Variants in SLC44A5 observed in about 807,000 individuals in gnomAD.
SLC44A5 encodes the protein solute carrier family 44 member 5, also known as choline transporter-like protein 5.
SLC44A5 carries 57 observed loss-of-function variants against 101.8 expected under a neutral mutation model. The ratio of observed to expected loss-of-function variants is 0.56; its 90% CI spans 0.45 to 0.70. The LOEUF (loss-of-function observed/expected upper bound fraction) is 0.70, where lower values mean the gene tolerates loss of function less well. SLC44A5 is among the 30% of genes least tolerant of loss of function. SLC44A5 has a pLI of 0.00. For missense variants in SLC44A5, 737 were observed against 853.1 expected, an observed-to-expected ratio of 0.86 and a Z score of 1.70; for synonymous variants, 281 against 290.9, an observed-to-expected ratio of 0.97 and a Z score of 0.35.
At chr1:75,557,685 T>G (rs559115906) in intron 1 of SLC44A5, among the ~76,000 whole-genome samples, 13 of 152,164 alleles carry the variant, frequency 8.5e-5, no homozygotes, top group Non-Finnish European at 1.8e-4. Context: ...TCAAGTCATT[T>G]CCACTATGAG....
At chr1:75,548,495 C>G (rs543366318) in intron 1 of SLC44A5, among the ~76,000 whole-genome samples, 50 of 152,214 alleles carry the variant, frequency 3.3e-4, no homozygotes, top group African/African-American at 1.1e-3. Flanking sequence ...TTCTGAAGCT[C>G]TCTTTCTAGA....
chr1:75,366,917 A>G (rs557186555), intron 3 of SLC44A5, among the ~76,000 whole-genome samples: 15 of 147,692 alleles, frequency 1.0e-4, no homozygotes, highest in Admixed American at 3.4e-4. Context: ...CATTGTGTTA[A>G]TGCTCTGTTT....
At position 75,251,369 on chromosome 1, in the gene SLC44A5, T is replaced by C. The variant is rs916742463; in HGVS notation, c.261-75A>G. The C allele has an allele frequency of 3.0e-5, 37 of 1,224,670 alleles. No individual in the cohort carries two copies. In the African/African-American group the frequency reaches 5.4e-4, roughly 18 times the overall value. The allele number at this position is 1,224,670 out of a possible 1,614,324, so 75.9% of individuals were successfully genotyped here. On this transcript the variant is annotated intron_variant, in intron 6 of 23. Coordinates refer to ENST00000370859, the MANE Select transcript of SLC44A5 (RefSeq NM_001130058.2). ...TATCATTTCAGACCCTGAACACTTT[T>C]TATAAATAACCTTTAAAAATTGGTT...
chr1:75,617,341 C>T, the SLC44A5 span, among the ~76,000 whole-genome samples: 2,454 of 152,104 alleles, frequency 0.016, 65 homozygotes, highest in African/African-American at 0.055. Flanking sequence ...CAGAAGTTGC[C>T]CCAGTACTAG....
chr1:75,669,271 C>A, the SLC44A5 span, among the ~76,000 whole-genome samples: 11 of 152,068 alleles, frequency 7.2e-5, no homozygotes, highest in Non-Finnish European at 1.2e-4. Flanking sequence ...AAGCTTGACC[C>A]AGTCCCATTC....
chr1:75,242,482 T>A (rs915437930), intron 8 of SLC44A5, among the ~76,000 whole-genome samples: 1 of 152,090 alleles, frequency 6.6e-6, no homozygotes, highest in Non-Finnish European at 1.5e-5. Context: ...TGGGGTTTTT[T>A]AAATGAGTTG....
intron 6 of SLC44A5, among the ~76,000 whole-genome samples, chr1:75,260,672 A>C (rs1650419412): frequency 6.6e-6 from 1 of 152,176 alleles, no homozygotes; most frequent in Non-Finnish European, 1.5e-5. Context: ...CAACAAGCAG[A>C]CCTAATAGAC....
intron 2 of SLC44A5, among the ~76,000 whole-genome samples, chr1:75,407,493 G>T (rs1460788332): frequency 6.6e-6 from 1 of 152,120 alleles, no homozygotes; most frequent in Admixed American, 6.6e-5. Context: ...AAACAGCATG[G>T]TACTGGTACC....
At chr1:75,395,131 G>A (rs1300414150) in intron 3 of SLC44A5, among the ~76,000 whole-genome samples, 4 of 151,938 alleles carry the variant, frequency 2.6e-5, no homozygotes, top group Non-Finnish European at 5.9e-5. Context: ...TTCCTCATTA[G>A]CTTATTTATC....
chr1:75,517,034 T>G (rs1379520388), intron 2 of SLC44A5, among the ~76,000 whole-genome samples: 1 of 152,192 alleles, frequency 6.6e-6, no homozygotes, highest in East Asian at 1.9e-4. Context: ...TCTCTGGACT[T>G]AAGGTAGGGA....
At chr1:75,645,640 C>G in the SLC44A5 span, among the ~76,000 whole-genome samples, 6 of 151,008 alleles carry the variant, frequency 4.0e-5, no homozygotes, top group Non-Finnish European at 7.4e-5. Flanking sequence ...AATTGGATCC[C>G]ATTTGTCAAT....
In SLC44A5 at chr1:75,340,163, C is replaced by A. The variant is rs147553584; in HGVS notation, c.53-533G>T. On this transcript the variant is annotated intron_variant, in intron 3 of 23. Transcript: ENST00000370859. ...TTCTATTATAAAAACATTTTTATTG[C>A]AGTTTTTTCAATCTACTGGCAGACT... Among the ~76,000 whole-genome samples, 555 of 152,216 alleles carry A rather than the reference C, an allele frequency of 3.6e-3. 3 individuals are homozygous for A. Among genetic ancestry groups the A allele is most frequent in the African/African-American group, 0.013 (540 of 41,546 alleles).
chr1:75,316,957 A>G (rs1269988662), intron 4 of SLC44A5, among the ~76,000 whole-genome samples: 3 of 152,230 alleles, frequency 2.0e-5, no homozygotes, highest in African/African-American at 4.8e-5. Flanking sequence ...TTAGGCAGCA[A>G]TCAGAGGGCA....
intron 2 of SLC44A5, among the ~76,000 whole-genome samples, chr1:75,399,475 T>G (rs1662336954): frequency 6.6e-6 from 1 of 152,136 alleles, no homozygotes; most frequent in Non-Finnish European, 1.5e-5. Context: ...AAGGGGAGTG[T>G]GCTAATCAGA....
intron 7 of SLC44A5, among the ~76,000 whole-genome samples, chr1:75,247,599 T>A (rs1649218744): frequency 6.6e-6 from 1 of 151,890 alleles, no homozygotes; most frequent in South Asian, 2.1e-4. Context: ...GGGAGGGAAA[T>A]GCAGTGTTTA....
intron 5 of SLC44A5, among the ~76,000 whole-genome samples, chr1:75,278,396 A>G (rs1030088064): frequency 6.6e-6 from 1 of 152,098 alleles, no homozygotes; most frequent in African/African-American, 2.4e-5. Flanking sequence ...CTTTAAGGTG[A>G]TTATGAGTGC....
At chr1:75,676,078 A>G in the SLC44A5 span, among the ~76,000 whole-genome samples, 1 of 152,240 alleles carries the variant, frequency 6.6e-6, no homozygotes, top group Non-Finnish European at 1.5e-5. Flanking sequence ...AGCAATAGAA[A>G]TGCTTTTACA....
intron 3 of SLC44A5, among the ~76,000 whole-genome samples, chr1:75,384,068 G>T (rs1014622510): frequency 3.3e-5 from 5 of 151,424 alleles, no homozygotes; most frequent in African/African-American, 9.7e-5. Context: ...ACTAAACATG[G>T]AAAGGAACTA....
At chr1:75,396,661 G>A (rs377203892) in intron 2 of SLC44A5, 40 bp from the exon 3 acceptor site, 1 of 1,516,986 alleles carries the variant, frequency 6.6e-7, no homozygotes, top group South Asian at 1.1e-5. Flanking sequence ...TATTTGTAGG[G>A]GCTGATGACT....
Sources: allele counts gnomAD v4.1 joint callset (sites outside exome capture counted in the v4.1 genomes callset), GRCh38; gene constraint gnomAD v4.1.1; transcripts MANE v1.5; gene names NCBI Gene and HGNC (gene_info 2026-07-23, HGNC 2026-07-21).